Variants in EVL observed in about 807,000 individuals in gnomAD.
EVL encodes ena/VASP-like protein.
A neutral mutation model predicts 59.6 loss-of-function variants in EVL; 21 were observed. The observed-to-expected ratio is 0.35, with a 90% CI of 0.25 to 0.51. EVL has a LOEUF of 0.51. Among genes scored for constraint, EVL ranks in the 20% least tolerant of loss-of-function variants. The pLI, the probability that EVL is intolerant of heterozygous loss-of-function variation, is 0.97. For synonymous variants in EVL, 198 were observed against 203.5 expected, an observed-to-expected ratio of 0.97 and a Z score of 0.23; for missense variants, 462 against 546.6, an observed-to-expected ratio of 0.85 and a Z score of 1.54.
intron 1 of EVL, among the ~76,000 whole-genome samples, chr14:100,017,695 C>T (rs2061061768): frequency 6.6e-6 from 1 of 152,162 alleles, no homozygotes; most frequent in Admixed American, 6.5e-5. Context: ...TATTTTGTTT[C>T]CTGTTATTAT....
chr14:100,026,889 G>C (rs1435806997), intron 1 of EVL, among the ~76,000 whole-genome samples: 1 of 152,112 alleles, frequency 6.6e-6, no homozygotes, highest in Non-Finnish European at 1.5e-5. Context: ...GGATCCCCGG[G>C]GCCTGTTGGA....
chr14:100,093,038 A>T (rs1481856711), intron 2 of EVL, among the ~76,000 whole-genome samples: 1 of 152,236 alleles, frequency 6.6e-6, no homozygotes, highest in Non-Finnish European at 1.5e-5. Context: ...CACTCTAAGC[A>T]GAGTAAACAA....
intron 3 of EVL, among the ~76,000 whole-genome samples, chr14:100,101,322 C>G (rs1165685508): frequency 6.6e-6 from 1 of 152,154 alleles, no homozygotes; most frequent in Non-Finnish European, 1.5e-5. Flanking sequence ...CCCATCTCTA[C>G]TAAAAATATA....
At chr14:100,060,753 C>T (rs1351684187), upstream of EVL, among the ~76,000 whole-genome samples, 1 of 151,950 alleles carries the variant, frequency 6.6e-6, no homozygotes, top group African/African-American at 2.4e-5. Context: ...AAATTACATA[C>T]CTAAGAATCT....
chr14:100,039,684 A>G (rs2061438265), intron 1 of EVL, among the ~76,000 whole-genome samples: 1 of 152,228 alleles, frequency 6.6e-6, no homozygotes, highest in Admixed American at 6.5e-5. Context: ...TCTGTACAGT[A>G]GGGGATGGTA....
intron 1 of EVL, among the ~76,000 whole-genome samples, chr14:99,983,050 C>G (rs145536142): frequency 6.6e-6 from 1 of 152,302 alleles, no homozygotes; most frequent in African/African-American, 2.4e-5. Flanking sequence ...CTCCACCCCA[C>G]CCCAGCCTCA....
At chr14:100,093,313 G>A (rs2062603676) in intron 2 of EVL, among the ~76,000 whole-genome samples, 2 of 152,236 alleles carry the variant, frequency 1.3e-5, no homozygotes, top group African/African-American at 4.8e-5. Flanking sequence ...GGAATATTCA[G>A]TGCAGTATTA....
At chr14:100,117,784 G>A (rs1887444054) in intron 3 of EVL, among the ~76,000 whole-genome samples, 1 of 152,174 alleles carries the variant, frequency 6.6e-6, no homozygotes, top group South Asian at 2.1e-4. Flanking sequence ...GGCCTATGGT[G>A]TGTCACTCAC....
At chr14:100,097,307 C>G (rs1885881258) in intron 2 of EVL, among the ~76,000 whole-genome samples, 174 bp from the exon 3 acceptor site, 4 of 152,140 alleles carry the variant, frequency 2.6e-5, no homozygotes. Flanking sequence ...CAAACCCTCA[C>G]TGTTCTATAG....
intron 1 of EVL, among the ~76,000 whole-genome samples, chr14:100,010,793 T>C (rs188153132): frequency 1.3e-4 from 20 of 152,352 alleles, no homozygotes; most frequent in African/African-American, 4.8e-4. Flanking sequence ...GGGATGGGTT[T>C]GTGAAGATGA....
At chr14:100,032,812 T>C (rs1458765418) in intron 1 of EVL, among the ~76,000 whole-genome samples, 1 of 152,210 alleles carries the variant, frequency 6.6e-6, no homozygotes, top group African/African-American at 2.4e-5. Flanking sequence ...CAATCTGATA[T>C]TTAATTTCCT....
chr14:100,141,940 T>C, intron 13 of EVL, 147 bp downstream of exon 13: 1 of 583,964 alleles, frequency 1.7e-6, no homozygotes, highest in Non-Finnish European at 2.8e-6. Context: ...CCATCTCTAG[T>C]TGAGGAAACA....
At chr14:100,017,082 C>T (rs777382165) in intron 1 of EVL, among the ~76,000 whole-genome samples, 2 of 152,236 alleles carry the variant, frequency 1.3e-5, no homozygotes, top group Non-Finnish European at 2.9e-5. Context: ...TGTCATTACT[C>T]TGCTACTTAT....
intron 1 of EVL, among the ~76,000 whole-genome samples, chr14:100,057,948 C>G (rs994285424): frequency 2.0e-5 from 3 of 152,182 alleles, no homozygotes; most frequent in Non-Finnish European, 2.9e-5. Context: ...GCTTTGTACT[C>G]AAAACACCCT....
rs1265348879 is a variant in EVL at position 100,029,738 on chromosome 14, G to A, written c.6-54949G>A. ...GACAAGGGCTGTTAGTAGGTGTGCG[G>A]GAGCTGAGGTATAGGAACAGGGGGA... On this transcript the variant is annotated intron_variant, in intron 1 of 13. Transcript: ENST00000402714. Among the ~76,000 whole-genome samples, 6 of 152,124 alleles carry A rather than the reference G, an allele frequency of 3.9e-5. No individual in the cohort carries two copies. In the East Asian group the frequency reaches 1.2e-3, roughly 29 times the overall value.
In EVL at chr14:100,109,898, G is replaced by A. The variant is rs912981428; in HGVS notation, c.358+12240G>A. 3.3e-5 allele frequency: 12 copies of A among 368,466 alleles called. No individual in the cohort carries two copies. The highest frequency in any genetic ancestry group is 9.4e-4 in the Middle Eastern group (1 of 1,060). 22.8% of individuals were successfully genotyped at this position (368,466 alleles called of 1,614,324 possible). On this transcript the variant is annotated intron_variant, in intron 3 of 13. Transcript: ENST00000392920. The surrounding 1 kb of genome is among the most constrained non-coding windows in gnomAD (Gnocchi z 4.3). Reference sequence around the variant, plus strand: ...GGTTCCAGTACCAGCTGTGCCAGGAGTGTGCCCTTGGGCATGTCACTGACC... The same window carrying A: ...GGTTCCAGTACCAGCTGTGCCAGGAATGTGCCCTTGGGCATGTCACTGACC...
At chr14:99,980,678 C>T (rs759076019) in intron 1 of EVL, among the ~76,000 whole-genome samples, 47 of 152,186 alleles carry the variant, frequency 3.1e-4, no homozygotes, top group Non-Finnish European at 6.8e-4. Flanking sequence ...ATTGCAGGTA[C>T]GGGGCATTTC....
chr14:100,044,533 G>A (rs1444512864), intron 1 of EVL, among the ~76,000 whole-genome samples: 3 of 152,138 alleles, frequency 2.0e-5, no homozygotes, highest in African/African-American at 4.8e-5. Context: ...TGGGGAAGAC[G>A]GGTAAGGACT....
At chr14:100,042,603 C>T (rs746054297) in intron 1 of EVL, among the ~76,000 whole-genome samples, 5 of 152,204 alleles carry the variant, frequency 3.3e-5, no homozygotes, top group Non-Finnish European at 5.9e-5. Context: ...GTAGCATTCA[C>T]TGTGCCCAGG....
Sources: allele counts gnomAD v4.1 joint callset (sites outside exome capture counted in the v4.1 genomes callset), GRCh38; gene constraint gnomAD v4.1.1; non-coding constraint Gnocchi (gnomAD v3.1); transcripts MANE v1.5; gene names NCBI Gene and HGNC (gene_info 2026-07-23, HGNC 2026-07-21).